PDE1B: variants seen among roughly 807,000 people sequenced by gnomAD.
PDE1B encodes the protein dual specificity calcium/calmodulin-dependent 3',5'-cyclic nucleotide phosphodiesterase 1B.
In PDE1B, 13 loss-of-function variants were observed where a neutral mutation model predicts 66.7. The observed-to-expected ratio is 0.19, with a 90% CI of 0.13 to 0.31. The LOEUF is 0.31. Ranked by LOEUF, PDE1B falls within the 10% of genes least tolerant of loss-of-function variation. PDE1B has a pLI of 1.00. For missense variants in PDE1B, 485 were observed against 682.3 expected (o/e 0.71, Z 3.22); for synonymous variants, 230 against 253.9 (o/e 0.91, Z 0.90).
At chr12:54,567,228 T>G in intron 3 of PDE1B, 141 bp downstream of exon 3, 28 of 476,504 alleles carry the variant, frequency 5.9e-5, no homozygotes, top group East Asian at 8.2e-5. Context: ...TAAAGAGCTC[T>G]AGGTAGTGGC....
At chr12:54,561,066 G>T (rs548861316) in intron 2 of PDE1B, among the ~76,000 whole-genome samples, 1 of 152,210 alleles carries the variant, frequency 6.6e-6, no homozygotes, top group African/African-American at 2.4e-5. Flanking sequence ...GTTAAAGCTC[G>T]TTTTGAAGAA....
rs574336798 is a variant in PDE1B, at chr12:54,569,845, G to A, written c.477+233G>A. Among the ~76,000 whole-genome samples, 1 of 152,108 alleles carries A rather than the reference G, an allele frequency of 6.6e-6. No homozygotes were observed. The highest frequency in any genetic ancestry group is 1.5e-5 in the Non-Finnish European group (1 of 67,970). On this transcript the variant is annotated intron_variant, in intron 5 of 15. Transcript: ENST00000243052. The surrounding 1 kb of genome is among the most constrained non-coding windows in gnomAD (Gnocchi z 4.4). ...CTCCTGAGTAGCTGGGATTACAGGT[G>A]CCCACCACCATGCCCAGCTAATTTT...
Position 54,575,939 on chromosome 12 carries a change from T to C in PDE1B, c.1268-53T>C. The C allele has an allele frequency of 7.7e-7, 1 of 1,291,674 alleles. No homozygotes were observed. The highest frequency in any genetic ancestry group is 1.1e-6 in the Non-Finnish European group (1 of 886,896). 80.0% of individuals were successfully genotyped at this position (1,291,674 alleles called of 1,614,324 possible). A position where few individuals can be genotyped will look rare whatever the true frequency, so the allele number is the denominator to read the frequency against. On this transcript the variant is annotated intron_variant, in intron 12 of 15. Transcript: ENST00000243052. The surrounding 1 kb of genome is among the most constrained non-coding windows in gnomAD (Gnocchi z 4.0). ...GGCCATGCCAGCTGCATGCTCTGCC[T>C]AGCCCTCCAGATAATAGTAAGACAT... is the stretch of plus-strand genomic sequence containing the variant.
chr12:54,575,279 C>T lies in PDE1B; in HGVS notation c.1185+61C>T. 1 of 1,453,572 alleles carries T rather than the reference C, an allele frequency of 6.9e-7. No individual in the cohort carries two copies. Among genetic ancestry groups the T allele is most frequent in the East Asian group, 2.3e-5 (1 of 43,960 alleles). The allele number at this position is 1,453,572 out of a possible 1,614,324, so 90.0% of individuals were successfully genotyped here. ...GGGCCTTCTCTCCCCTTTTGCCCTC[C>T]AAGTTCCCCAATCCTGTTCCACATC... is the stretch of plus-strand genomic sequence containing the variant. On this transcript the variant is annotated intron_variant, in intron 11 of 15. Transcript: ENST00000243052. The surrounding 1 kb of genome is among the most constrained non-coding windows in gnomAD (Gnocchi z 4.0).
intron 2 of PDE1B, among the ~76,000 whole-genome samples, chr12:54,555,814 T>G (rs1047641922): frequency 6.6e-6 from 1 of 152,204 alleles, no homozygotes; most frequent in Non-Finnish European, 1.5e-5. Context: ...GGCTCCCTTT[T>G]GCTCTTCTCC....
In PDE1B at chr12:54,575,917, C is replaced by A; in HGVS notation, c.1268-75C>A. On this transcript the variant is annotated intron_variant, in intron 12 of 15. Coordinates refer to ENST00000243052, the MANE Select transcript of PDE1B (RefSeq NM_000924.4). The surrounding 1 kb of genome is among the most constrained non-coding windows in gnomAD (Gnocchi z 4.0). ...TTCATAAGCAGCCAGGGGTCCTGGC[C>A]ATGCCAGCTGCATGCTCTGCCTAGC... The A allele has an allele frequency of 9.0e-7, 1 of 1,111,868 alleles. No individual in the cohort carries two copies. Among genetic ancestry groups the A allele is most frequent in the Non-Finnish European group, 1.4e-6 (1 of 724,940 alleles). The allele number at this position is 1,111,868 out of a possible 1,614,324, so 68.9% of individuals were successfully genotyped here.
chr12:54,569,022 T>C lies in PDE1B; in HGVS notation c.228-162T>C. The C allele has an allele frequency of 8.4e-7, 1 of 1,187,164 alleles. No homozygotes were observed. The highest frequency in any genetic ancestry group is 2.7e-5 in the East Asian group (1 of 37,034). 73.5% of individuals were successfully genotyped at this position (1,187,164 alleles called of 1,614,324 possible). Reference sequence around the variant, plus strand: ...AGACCTGTTTCATTATTGGAGATGTTAGATAAAGAAATAAAAAGATATAGA... The same window carrying C: ...AGACCTGTTTCATTATTGGAGATGTCAGATAAAGAAATAAAAAGATATAGA... On this transcript the variant is annotated intron_variant, in intron 3 of 15. Transcript: ENST00000243052. This position sits in a 1 kb window ranked among gnomAD's most constrained non-coding sequence, Gnocchi z 4.4.
chr12:54,575,894 C>A lies in PDE1B; in HGVS notation c.1268-98C>A. On this transcript the variant is annotated intron_variant, in intron 12 of 15. Coordinates refer to ENST00000243052, the MANE Select transcript of PDE1B (RefSeq NM_000924.4). This position sits in a 1 kb window ranked among gnomAD's most constrained non-coding sequence, Gnocchi z 4.0. ...CCCAGGTTACCTCTCCATCCTCTTTCATAAGCAGCCAGGGGTCCTGGCCAT... is the reference window on the plus strand; with the variant it reads ...CCCAGGTTACCTCTCCATCCTCTTTAATAAGCAGCCAGGGGTCCTGGCCAT... The A allele has an allele frequency of 1.1e-6, 1 of 932,070 alleles. No homozygotes were observed. The allele number at this position is 932,070 out of a possible 1,614,324, so 57.7% of individuals were successfully genotyped here. A position where few individuals can be genotyped will look rare whatever the true frequency, so the allele number is the denominator to read the frequency against.
intron 13 of PDE1B, 162 bp from the exon 14 acceptor site, chr12:54,576,409 G>A (rs1367591406): frequency 2.7e-6 from 2 of 739,296 alleles, no homozygotes; most frequent in South Asian, 1.9e-5. Context: ...GAAATGAGGG[G>A]GAGAGGGACA....
In PDE1B at chr12:54,561,759, T is replaced by A. The variant is rs1957417977; in HGVS notation, c.114-5215T>A. 5 of 585,334 alleles carry A rather than the reference T, an allele frequency of 8.5e-6. No homozygotes were observed. The South Asian group carries it at 1.0e-4, about 12-fold the overall frequency. 36.3% of individuals were successfully genotyped at this position (585,334 alleles called of 1,614,324 possible). On this transcript the variant is annotated intron_variant, in intron 2 of 15. Transcript: ENST00000243052. ...ACCTGGCAGTCCCCCATATGTTTTG[T>A]GCGTGTGTGTGTGTGTGTGTGTGCG...
rs1366850878 is a variant in PDE1B, at chr12:54,576,868, C to T, written c.1507+167C>T. 8.5e-6 allele frequency: 6 copies of T among 705,334 alleles called. No homozygotes were observed. The African/African-American group carries it at 8.9e-5, about 10-fold the overall frequency. 43.7% of individuals were successfully genotyped at this position (705,334 alleles called of 1,614,324 possible). ...ATCACAGGAAAGACTGGCTGAGTGG[C>T]CTGGAATGTTCTAAGAATGGGGGCC... On this transcript the variant is annotated intron_variant, in intron 14 of 15. Coordinates refer to ENST00000243052, the MANE Select transcript of PDE1B (RefSeq NM_000924.4).
rs750746325 is a variant in PDE1B at position 54,573,620 on chromosome 12, C to T, written c.975C>T (p.Ala325=). ...TATGTCCGCTCAGAGAACTCCGAGC[C>T]CTGGTCATTGAGATGGTGTTGGCCA... ...LTKDEFVELR[A]LVIEMVLATD... is the part of the protein sequence containing the mutation. Residue 325 remains alanine (A), a synonymous_variant, in exon 10 of 16, where the codon GCC becomes GCT. Coordinates refer to ENST00000243052, the MANE Select transcript of PDE1B (RefSeq NM_000924.4). This position sits in a 1 kb window ranked among gnomAD's most constrained non-coding sequence, Gnocchi z 5.2. The T allele has an allele frequency of 1.2e-6, 2 of 1,613,934 alleles. No homozygotes were observed. Among genetic ancestry groups the T allele is most frequent in the Admixed American group, 3.3e-5 (2 of 60,014 alleles).
At chr12:54,563,451 A>G (rs1340417588) in intron 2 of PDE1B, among the ~76,000 whole-genome samples, 2 of 152,204 alleles carry the variant, frequency 1.3e-5, no homozygotes, top group Non-Finnish European at 2.9e-5. Context: ...TGAAGATTAA[A>G]TGAAGTTTGT....
chr12:54,551,103 T>A (rs965240736), intron 2 of PDE1B, among the ~76,000 whole-genome samples: 3 of 152,186 alleles, frequency 2.0e-5, no homozygotes, highest in East Asian at 3.8e-4. Flanking sequence ...TCCTCCTCAA[T>A]GTTCTCCATA....
intron 13 of PDE1B, 162 bp downstream of exon 13, chr12:54,576,262 G>T: frequency 1.6e-6 from 1 of 640,104 alleles, no homozygotes; most frequent in Non-Finnish European, 2.8e-6. Flanking sequence ...AGAAGGATGG[G>T]ATCAGAAGGG....
In PDE1B at chr12:54,569,823, C is replaced by T. The variant is rs1305647270; in HGVS notation, c.477+211C>T. Among the ~76,000 whole-genome samples, 1 of 152,074 alleles carries T rather than the reference C, an allele frequency of 6.6e-6. No homozygotes were observed. The highest frequency in any genetic ancestry group is 1.5e-5 in the Non-Finnish European group (1 of 68,008). On this transcript the variant is annotated intron_variant, in intron 5 of 15. Coordinates refer to ENST00000243052, the MANE Select transcript of PDE1B (RefSeq NM_000924.4). The surrounding 1 kb of genome is among the most constrained non-coding windows in gnomAD (Gnocchi z 4.4). ...CAAGCGATTCTCCTGCCTCAGCCTC[C>T]TGAGTAGCTGGGATTACAGGTGCCC...
chr12:54,561,028 CCT>C (rs1164386670), intron 2 of PDE1B, among the ~76,000 whole-genome samples: 2 of 152,098 alleles, frequency 1.3e-5, no homozygotes, highest in Non-Finnish European at 2.9e-5. Context: ...AGTTCATCCC[CCT>C]GTCTTGCTTC....
rs558733078 is a variant in PDE1B, at chr12:54,576,581, C to T, written c.1387C>T (p.Arg463Cys). Residue 463 changes from arginine (R) to cysteine (C), a missense_variant, in exon 14 of 16, where the codon CGC becomes TGC. Coordinates refer to ENST00000243052, the MANE Select transcript of PDE1B (RefSeq NM_000924.4). ...KSKNQPSFQW[R>C]QPSLDVEVGD... ...GGGTTCTGCTTCTAGCTTTCAGTGG[C>T]GCCAGCCCTCTCTGGATGTGGAAGT... 46 of 1,613,988 alleles carry T rather than the reference C, an allele frequency of 2.9e-5. No individual in the cohort carries two copies. The highest frequency in any genetic ancestry group is 1.9e-4 in the South Asian group (17 of 91,072).
chr12:54,561,761 CGTGTGT>C (rs3036634), intron 2 of PDE1B: 16,038 of 440,130 alleles, frequency 0.036, 328 homozygotes, highest in African/African-American at 0.072. Context: ...ATGTTTTGTG[CGTGTGT>C]GTGTGTGTGT....
Sources: allele counts gnomAD v4.1 joint callset (sites outside exome capture counted in the v4.1 genomes callset), GRCh38; gene constraint gnomAD v4.1.1; non-coding constraint Gnocchi (gnomAD v3.1); transcripts MANE v1.5; gene names NCBI Gene and HGNC (gene_info 2026-07-23, HGNC 2026-07-21).